Variants in SIK3 observed in about 807,000 individuals in gnomAD.
SIK3 encodes serine/threonine-protein kinase SIK3.
SIK3 carries 28 observed loss-of-function variants against 144.2 expected under a neutral mutation model. That is an observed-to-expected ratio of 0.19 (90% CI 0.14 to 0.27). The LOEUF (loss-of-function observed/expected upper bound fraction) is 0.27, where lower values mean the gene tolerates loss of function less well. SIK3 is among the 10% of genes least tolerant of loss of function. The probability of loss-of-function intolerance (pLI) is 1.00; values close to 1 mark genes in which losing one functional copy is unlikely to be tolerated. For missense variants in SIK3, 1,319 were observed against 1,776.0 expected (o/e 0.74, Z 4.62); for synonymous variants, 686 against 676.3 (o/e 1.01, Z -0.22).
At chr11:117,033,649 C>G (rs1227983512) in intron 1 of SIK3, among the ~76,000 whole-genome samples, 2 of 142,116 alleles carry the variant, frequency 1.4e-5, no homozygotes, top group Admixed American at 1.5e-4. Flanking sequence ...GCGGAGCTTG[C>G]AGTGAGCAGA....
At chr11:117,007,561 G>A (rs1490324329) in intron 1 of SIK3, among the ~76,000 whole-genome samples, 1 of 152,204 alleles carries the variant, frequency 6.6e-6, no homozygotes, top group Non-Finnish European at 1.5e-5. Flanking sequence ...GTGTACATGT[G>A]CCAATGCACA....
intron 6 of SIK3, among the ~76,000 whole-genome samples, chr11:116,877,552 G>T (rs945843952): frequency 6.6e-6 from 1 of 152,152 alleles, no homozygotes; most frequent in Non-Finnish European, 1.5e-5. Flanking sequence ...AGAGCCACAG[G>T]CTACTTCTCT....
At chr11:116,925,049 G>A (rs1025062240) in intron 4 of SIK3, among the ~76,000 whole-genome samples, 1 of 152,168 alleles carries the variant, frequency 6.6e-6, no homozygotes, top group East Asian at 1.9e-4. Flanking sequence ...GGGAGGCCAA[G>A]GTGGGTGGAT....
intron 1 of SIK3, among the ~76,000 whole-genome samples, chr11:117,076,675 G>A (rs746108150): frequency 2.6e-5 from 4 of 151,914 alleles, no homozygotes; most frequent in Admixed American, 1.3e-4. Flanking sequence ...ACAGGCACCC[G>A]CTAATTACCA....
chr11:117,087,841 A>G (rs986098939), intron 1 of SIK3, among the ~76,000 whole-genome samples: 2 of 152,246 alleles, frequency 1.3e-5, no homozygotes, highest in Non-Finnish European at 2.9e-5. Flanking sequence ...AGACTTGTGC[A>G]CAACAATGGT....
intron 21 of SIK3, among the ~76,000 whole-genome samples, chr11:116,850,905 A>T (rs1274401898): frequency 1.3e-5 from 2 of 152,196 alleles, no homozygotes; most frequent in African/African-American, 4.8e-5. Context: ...GCTACTCAGG[A>T]GGCTGAGGCA....
At chr11:116,893,214 A>G (rs1225443808) in intron 6 of SIK3, among the ~76,000 whole-genome samples, 1 of 152,236 alleles carries the variant, frequency 6.6e-6, no homozygotes, top group African/African-American at 2.4e-5. Context: ...ACTTTGGGTG[A>G]TAATGTGTCA....
intron 3 of SIK3, among the ~76,000 whole-genome samples, chr11:116,939,334 G>C (rs577920636): frequency 4.1e-4 from 62 of 152,246 alleles, no homozygotes; most frequent in Middle Eastern, 3.4e-3. Flanking sequence ...TTTCAATAAA[G>C]ACAAGGTTTC....
intron 6 of SIK3, among the ~76,000 whole-genome samples, chr11:116,886,801 G>T (rs1008880106): frequency 6.6e-6 from 1 of 152,138 alleles, no homozygotes; most frequent in Admixed American, 6.5e-5. Context: ...TAAGTTATTT[G>T]CATCCATCGG....
chr11:117,083,536 C>T lies in SIK3; in HGVS notation c.273+14607G>A, dbSNP rs191350215. Among the ~76,000 whole-genome samples the T allele has an allele frequency of 1.1e-4, 17 of 152,016 alleles. No individual in the cohort carries two copies. The East Asian group carries it at 3.3e-3, about 29-fold the overall frequency. ...TGTTGATGTAGAAATGGAAAGTAAG[C>T]CAAGAACATACAATCACTAAAAACA... On this transcript the variant is annotated intron_variant, in intron 1 of 24. Coordinates refer to ENST00000445177, the MANE Select transcript of SIK3 (RefSeq NM_001366686.3).
chr11:116,996,119 C>T (rs1334327489), intron 1 of SIK3, among the ~76,000 whole-genome samples: 1 of 152,104 alleles, frequency 6.6e-6, no homozygotes, highest in African/African-American at 2.4e-5. Context: ...ACCTGCCTGG[C>T]CAACATGGCA....
intron 1 of SIK3, among the ~76,000 whole-genome samples, chr11:117,094,450 A>T (rs1434125778): frequency 6.6e-6 from 1 of 152,018 alleles, no homozygotes; most frequent in Non-Finnish European, 1.5e-5. Context: ...TACAAAAAAA[A>T]TTTAAAAATT....
At chr11:116,863,598 CCA>C (rs1290629594) in intron 16 of SIK3, 68 bp downstream of exon 16, 58 of 1,604,288 alleles carry the variant, frequency 3.6e-5, no homozygotes, top group Non-Finnish European at 4.8e-5. Flanking sequence ...GTTTACCACC[CCA>C]GTCCTCCTGC....
chr11:117,048,698 C>T (rs1232373092), intron 1 of SIK3, among the ~76,000 whole-genome samples: 3 of 152,122 alleles, frequency 2.0e-5, no homozygotes, highest in Non-Finnish European at 4.4e-5. Context: ...AAACCAACTT[C>T]TTTCTCCCAG....
chr11:117,066,508 C>A, intron 1 of SIK3, among the ~76,000 whole-genome samples: 1 of 147,396 alleles, frequency 6.8e-6, no homozygotes, highest in Non-Finnish European at 1.5e-5. Flanking sequence ...AAAGAATTCT[C>A]AATATTCAAC....
chr11:116,856,780 C>T (rs1032180915), intron 21 of SIK3: 1 of 152,232 alleles, frequency 6.6e-6, no homozygotes, highest in Non-Finnish European at 1.5e-5. Flanking sequence ...ACAGCAAGGC[C>T]TTCTCTACTG....
intron 1 of SIK3, among the ~76,000 whole-genome samples, chr11:117,005,208 T>C (rs11216224): frequency 0.15 from 22,960 of 151,560 alleles, 2,478 homozygotes; most frequent in African/African-American, 0.3. Context: ...TTTGGGAGGC[T>C]GAGGCGGGCA....
At chr11:116,980,240 A>G (rs192246352) in intron 1 of SIK3, among the ~76,000 whole-genome samples, 1 of 152,298 alleles carries the variant, frequency 6.6e-6, no homozygotes, top group Non-Finnish European at 1.5e-5. Flanking sequence ...ATGTTAGCCT[A>G]CGACTGAGCA....
intron 4 of SIK3, among the ~76,000 whole-genome samples, chr11:116,904,041 A>G (rs958910848): frequency 6.6e-6 from 1 of 152,184 alleles, no homozygotes; most frequent in Non-Finnish European, 1.5e-5. Flanking sequence ...TGTCTCTTTT[A>G]TAAGTCTCTA....
Sources: gnomAD v4.1 joint callset for allele counts (sites outside exome capture counted in the v4.1 genomes callset) on GRCh38, gnomAD v4.1.1 for gene constraint, MANE v1.5 for transcripts, NCBI Gene and HGNC (gene_info 2026-07-23, HGNC 2026-07-21) for gene names.